The following RAB38 variants were observed in gnomAD, a reference collection of about 807,000 sequenced individuals.
RAB38 encodes ras-related protein Rab-38.
In RAB38, 15 loss-of-function variants were observed where a neutral mutation model predicts 18.4. The observed-to-expected ratio is 0.82, with a 90% CI of 0.55 to 1.26. The LOEUF (loss-of-function observed/expected upper bound fraction) is 1.26. Ranked by LOEUF, RAB38 falls within the 50% of genes most tolerant of loss-of-function variation. The pLI is 0.00. For missense variants in RAB38, 294 were observed against 267.4 expected, an observed-to-expected ratio of 1.10 and a Z score of -0.69; for synonymous variants, 101 against 104.4, an observed-to-expected ratio of 0.97 and a Z score of 0.20.
At chr11:88,099,530 T>G in the RAB38 span, among the ~76,000 whole-genome samples, 1 of 152,006 alleles carries the variant, frequency 6.6e-6, no homozygotes, top group South Asian at 2.1e-4. Context: ...AATTAGAATC[T>G]CCTAAGGGGA....
At chr11:88,008,149 G>A in the RAB38 span, among the ~76,000 whole-genome samples, 1 of 152,080 alleles carries the variant, frequency 6.6e-6, no homozygotes, top group Non-Finnish European at 1.5e-5. Flanking sequence ...ATGTTGGTTA[G>A]ATATGTACAT....
the RAB38 span, among the ~76,000 whole-genome samples, chr11:88,029,556 C>CA: frequency 4.0e-5 from 6 of 151,642 alleles, no homozygotes; most frequent in Admixed American, 2.0e-4. Context: ...AAATGGAAAA[C>CA]AAAAAAAGGC....
the RAB38 span, among the ~76,000 whole-genome samples, chr11:87,962,800 A>G: frequency 6.6e-6 from 1 of 152,174 alleles, no homozygotes; most frequent in Admixed American, 6.5e-5. Context: ...CTAAGAGTAA[A>G]TTTTAGATGT....
chr11:87,941,214 G>GATATATAT, the RAB38 span, among the ~76,000 whole-genome samples: 2,674 of 62,364 alleles, frequency 0.043, 163 homozygotes, highest in African/African-American at 0.093. Context: ...AAATATATGA[G>GATATATAT]ATATATATAT....
the RAB38 span, among the ~76,000 whole-genome samples, chr11:87,856,603 C>T: frequency 6.6e-6 from 1 of 152,124 alleles, no homozygotes; most frequent in Non-Finnish European, 1.5e-5. Context: ...TATCATTTCC[C>T]ATCAAACCTG....
the RAB38 span, among the ~76,000 whole-genome samples, chr11:87,975,279 A>G: frequency 6.6e-6 from 1 of 151,878 alleles, no homozygotes; most frequent in Non-Finnish European, 1.5e-5. Flanking sequence ...CTGAGGTTCC[A>G]GGTCACATGA....
the RAB38 span, among the ~76,000 whole-genome samples, chr11:87,875,716 G>A: frequency 6.6e-6 from 1 of 151,374 alleles, no homozygotes; most frequent in Admixed American, 6.6e-5. Flanking sequence ...GAAATGTAAT[G>A]TTTTTGATAT....
the RAB38 span, among the ~76,000 whole-genome samples, chr11:87,847,179 A>G: frequency 1.3e-5 from 2 of 152,082 alleles, no homozygotes; most frequent in African/African-American, 4.8e-5. Context: ...ATTGATATTG[A>G]AAAGAACAGA....
chr11:87,818,269 C>A, the RAB38 span, among the ~76,000 whole-genome samples: 2 of 152,066 alleles, frequency 1.3e-5, no homozygotes, highest in Non-Finnish European at 2.9e-5. Context: ...GAAAACAATT[C>A]ATAATTTTTA....
the RAB38 span, among the ~76,000 whole-genome samples, chr11:87,943,842 A>T: frequency 6.3e-4 from 96 of 152,156 alleles, no homozygotes; most frequent in African/African-American, 2.2e-3. Flanking sequence ...ATAGTTCTAC[A>T]ATTCTGTGAA....
the RAB38 span, among the ~76,000 whole-genome samples, chr11:88,083,730 T>A: frequency 2.0e-5 from 3 of 152,096 alleles, no homozygotes; most frequent in East Asian, 5.8e-4. Flanking sequence ...CAAGCTTTTT[T>A]GCTCTTCTGC....
chr11:88,056,803 C>CAATAAATAAATA, the RAB38 span, among the ~76,000 whole-genome samples: 1,975 of 121,318 alleles, frequency 0.016, 29 homozygotes, highest in East Asian at 0.054. Flanking sequence ...GACTCCGTCT[C>CAATAAATAAATA]AATAAATAAA....
At chr11:88,037,872 G>A in the RAB38 span, among the ~76,000 whole-genome samples, 74 of 151,938 alleles carry the variant, frequency 4.9e-4, no homozygotes, top group African/African-American at 1.7e-3. Flanking sequence ...TCAATCTTCT[G>A]TTATTGTTAT....
the RAB38 span, among the ~76,000 whole-genome samples, chr11:87,808,982 A>T: frequency 2.0e-5 from 3 of 152,144 alleles, no homozygotes; most frequent in African/African-American, 7.2e-5. Flanking sequence ...TAGCCTCTAA[A>T]TTGGTAGAGG....
chr11:88,109,900 A>C (rs1942451108), downstream of RAB38, among the ~76,000 whole-genome samples: 1 of 152,210 alleles, frequency 6.6e-6, no homozygotes, highest in African/African-American at 2.4e-5. Context: ...AGAAATAGGA[A>C]CACTTTTACA....
the RAB38 span, among the ~76,000 whole-genome samples, chr11:87,942,424 CAT>C: frequency 6.6e-6 from 1 of 152,062 alleles, no homozygotes; most frequent in Non-Finnish European, 1.5e-5. Flanking sequence ...AGGATCAAAT[CAT>C]ATAATAAAAA....
the RAB38 span, among the ~76,000 whole-genome samples, chr11:87,963,563 T>A: frequency 6.6e-6 from 1 of 152,030 alleles, no homozygotes; most frequent in Non-Finnish European, 1.5e-5. Flanking sequence ...TAATGAAATA[T>A]GTTATCAAAA....
chr11:87,902,675 G>A, the RAB38 span, among the ~76,000 whole-genome samples: 1 of 151,210 alleles, frequency 6.6e-6, no homozygotes, highest in East Asian at 2.0e-4. Context: ...ATTTATTTAG[G>A]TTCTCTTTAA....
At chr11:88,040,379 T>C in the RAB38 span, among the ~76,000 whole-genome samples, 1 of 152,172 alleles carries the variant, frequency 6.6e-6, no homozygotes, top group Admixed American at 6.5e-5. Flanking sequence ...GGATTATGGT[T>C]CACTCTACTG....
Sources: gnomAD v4.1 joint callset for allele counts (sites outside exome capture counted in the v4.1 genomes callset) on GRCh38, gnomAD v4.1.1 for gene constraint, MANE v1.5 for transcripts, NCBI Gene and HGNC (gene_info 2026-07-23, HGNC 2026-07-21) for gene names.